Variants in MFSD6 observed in about 807,000 individuals in gnomAD.
The protein encoded by MFSD6 is major facilitator superfamily domain containing 6, also known as major facilitator superfamily domain-containing protein 6.
Under a neutral mutation model 56.3 loss-of-function variants are expected in MFSD6, and 26 were observed. The ratio of observed to expected loss-of-function variants is 0.46; its 90% CI spans 0.34 to 0.64. The LOEUF (loss-of-function observed/expected upper bound fraction) is 0.64. Ranked by LOEUF, MFSD6 falls within the 30% of genes least tolerant of loss-of-function variation. The pLI is 0.01. For missense variants in MFSD6, 750 were observed against 986.2 expected (o/e 0.76, Z 3.21); for synonymous variants, 331 against 366.9 (o/e 0.90, Z 1.12).
chr2:190,429,262 C>A (rs940220124), intron 2 of MFSD6, among the ~76,000 whole-genome samples: 12 of 150,998 alleles, frequency 7.9e-5, no homozygotes, highest in African/African-American at 2.9e-4. Flanking sequence ...ACATATATCA[C>A]CAAAATATCT....
At position 190,426,805 on chromosome 2, in the gene MFSD6, G is replaced by C. The variant is rs555832361; in HGVS notation, c.-53-9172G>C. Among the ~76,000 whole-genome samples the C allele has an allele frequency of 6.6e-6, 1 of 151,362 alleles. No homozygotes were observed. Among genetic ancestry groups the C allele is most frequent in the East Asian group, 1.9e-4 (1 of 5,188 alleles). On this transcript the variant is annotated intron_variant, in intron 2 of 7. Transcript: ENST00000392328. This position sits in a 1 kb window ranked among gnomAD's most constrained non-coding sequence, Gnocchi z 4.7. ...AATGATTTTTTATTGAAAGCAAGATGTTTTGGGTATTATTTTATGAGACTG... is the reference window on the plus strand; with the variant it reads ...AATGATTTTTTATTGAAAGCAAGATCTTTTGGGTATTATTTTATGAGACTG...
At chr2:190,452,221 C>T (rs1309175295) in intron 3 of MFSD6, among the ~76,000 whole-genome samples, 5 of 152,094 alleles carry the variant, frequency 3.3e-5, no homozygotes, top group Non-Finnish European at 7.4e-5. Flanking sequence ...CGCCACTGCA[C>T]TCCAGCCTGA....
rs1686914951 is a variant in MFSD6 at position 190,454,588 on chromosome 2, AAGGTGG to A, written c.1533-15169_1533-15164del. On this transcript the variant is annotated intron_variant, in intron 3 of 7. Transcript: ENST00000392328. The surrounding 1 kb of genome is among the most constrained non-coding windows in gnomAD (Gnocchi z 4.6). ...CTCTACCATATGAGGACACTGTAAG[AAGGTGG>A]TCATCTACAAGCCAGGAAGAGACCC... is the stretch of plus-strand genomic sequence containing the variant. 1 of 152,162 alleles carries A rather than the reference AAGGTGG, an allele frequency of 6.6e-6. No homozygotes were observed. The highest frequency in any genetic ancestry group is 2.1e-4 in the South Asian group (1 of 4,828). The allele number at this position is 152,162 out of a possible 1,614,324, so 9.4% of individuals were successfully genotyped here.
intron 2 of MFSD6, among the ~76,000 whole-genome samples, chr2:190,422,228 T>G (rs1297363126): frequency 6.6e-6 from 1 of 152,232 alleles, no homozygotes; most frequent in African/African-American, 2.4e-5. Context: ...TCAGGTGTAT[T>G]GGTATTCTAC....
chr2:190,436,208 A>G lies in MFSD6; in HGVS notation c.179A>G (p.His60Arg), dbSNP rs775069109. The G allele has an allele frequency of 1.9e-6, 3 of 1,614,196 alleles. No homozygotes were observed. The Admixed American group carries it at 5.0e-5, about 27-fold the overall frequency. Residue 60 changes from histidine (H) to arginine (R), a missense_variant, in exon 3 of 8, where the codon CAT (histidine) becomes CGT (arginine). Physicochemically the swap from His to Arg is conservative, Grantham distance 29 (BLOSUM62 0). Transcript: ENST00000392328. This position sits in a 1 kb window ranked among gnomAD's most constrained non-coding sequence, Gnocchi z 5.3. ...GAGGAAATAGACTGGATAGAGAAAC[A>G]TTGTGTTAAGATAAACAACGATCTT... ...PEEEIDWIEK[H>R]CVKINNDLLI...
chr2:190,448,578 TCAGTA>T (rs1686665783), intron 3 of MFSD6, among the ~76,000 whole-genome samples: 1 of 152,278 alleles, frequency 6.6e-6, no homozygotes, highest in East Asian at 1.9e-4. Context: ...AATACACAAT[TCAGTA>T]CAGTTATACA....
At chr2:190,484,651 T>A (rs1037025188) in intron 4 of MFSD6, among the ~76,000 whole-genome samples, 5 of 152,220 alleles carry the variant, frequency 3.3e-5, no homozygotes, top group Admixed American at 3.3e-4. Flanking sequence ...GAAAGTTGCA[T>A]GTTCCAGTTT....
rs772140315 is a variant in MFSD6 at position 190,433,932 on chromosome 2, T to C, written c.-53-2045T>C. 7.2e-5 allele frequency among the ~76,000 whole-genome samples: 11 copies of C among 152,222 alleles called. No individual in the cohort carries two copies. Among genetic ancestry groups the C allele is most frequent in the Non-Finnish European group, 1.3e-4 (9 of 68,032 alleles). On this transcript the variant is annotated intron_variant, in intron 2 of 7. Transcript: ENST00000392328. This position sits in a 1 kb window ranked among gnomAD's most constrained non-coding sequence, Gnocchi z 4.5. ...GAGGCAGGGTGCAGTGGTTCACGCC[T>C]GTAATCCCAGCACTTTGGGAGGCTG...
intron 2 of MFSD6, among the ~76,000 whole-genome samples, chr2:190,419,333 C>T (rs1575817931): frequency 1.3e-5 from 2 of 152,192 alleles, no homozygotes; most frequent in South Asian, 2.1e-4. Context: ...TAGAGTCCAG[C>T]TCTGGGACTC....
Position 190,450,231 on chromosome 2 carries a change from A to G in MFSD6, c.1532+12670A>G, listed in dbSNP as rs556820191. ...AATTGGGCTAATTATATTTCTACAT[A>G]TACATGGAAATATCTGGCAGACTGC... On this transcript the variant is annotated intron_variant, in intron 3 of 7. Transcript: ENST00000392328. Among the ~76,000 whole-genome samples the G allele has an allele frequency of 2.6e-5, 4 of 152,226 alleles. No homozygotes were observed. In the East Asian group the frequency reaches 7.7e-4, roughly 29 times the overall value.
At position 190,413,380 on chromosome 2, in the gene MFSD6, G is replaced by C. The variant is rs540446152; in HGVS notation, c.-175-1912G>C. Among the ~76,000 whole-genome samples the C allele has an allele frequency of 2.6e-5, 4 of 152,294 alleles. No individual in the cohort carries two copies. Among genetic ancestry groups the C allele is most frequent in the South Asian group, 2.1e-4 (1 of 4,818 alleles). Reference sequence around the variant, plus strand: ...AGATGTGGAAAAAAATTGAATTAAGGGGGGCAGAGATGTCTTTCTTTGACA... The same window carrying C: ...AGATGTGGAAAAAAATTGAATTAAGCGGGGCAGAGATGTCTTTCTTTGACA... On this transcript the variant is annotated intron_variant, in intron 1 of 7. Transcript: ENST00000392328. The surrounding 1 kb of genome is among the most constrained non-coding windows in gnomAD (Gnocchi z 4.1).
intron 3 of MFSD6, among the ~76,000 whole-genome samples, chr2:190,446,857 C>T (rs1686603225): frequency 1.3e-5 from 2 of 152,302 alleles, no homozygotes; most frequent in South Asian, 2.1e-4. Context: ...CCATCTAAGA[C>T]TGTACTGATT....
rs371140826 is a variant in MFSD6, at chr2:190,500,223, A to G, written c.*5A>G. 4.0e-5 allele frequency: 64 copies of G among 1,613,900 alleles called. No individual in the cohort carries two copies. The highest frequency in any genetic ancestry group is 4.8e-5 in the Non-Finnish European group (57 of 1,179,954). The stretch of plus-strand genomic sequence containing the variant: ...CTGGCCGCGGGAGGACACTGAGGGC[A>G]TCCTGCTCATCTCACACCCTGCATG... On this transcript the variant is annotated 3_prime_UTR_variant, in exon 8 of 8. Transcript: ENST00000392328. The surrounding 1 kb of genome is among the most constrained non-coding windows in gnomAD (Gnocchi z 5.3).
Position 190,471,848 on chromosome 2 carries a change from G to T in MFSD6, c.1630+1993G>T, listed in dbSNP as rs1485333405. Among the ~76,000 whole-genome samples, 5 of 152,160 alleles carry T rather than the reference G, an allele frequency of 3.3e-5. No homozygotes were observed. Among genetic ancestry groups the T allele is most frequent in the African/African-American group, 4.8e-5 (2 of 41,434 alleles). The stretch of plus-strand genomic sequence containing the variant: ...AACTGGGAGGCACCCCCCAGTAGGG[G>T]CAGACTGATAACTCATACGGCCGGG... On this transcript the variant is annotated intron_variant, in intron 4 of 7. Coordinates refer to ENST00000392328, the MANE Select transcript of MFSD6 (RefSeq NM_017694.4). This position sits in a 1 kb window ranked among gnomAD's most constrained non-coding sequence, Gnocchi z 4.7.
At chr2:190,449,900 A>C (rs527542281) in intron 3 of MFSD6, among the ~76,000 whole-genome samples, 4 of 152,144 alleles carry the variant, frequency 2.6e-5, no homozygotes, top group Non-Finnish European at 5.9e-5. Context: ...GCTTTAGGAG[A>C]TATACCTAAT....
chr2:190,424,418 C>G lies in MFSD6; in HGVS notation c.-54+9005C>G, dbSNP rs1019425522. 9.2e-5 allele frequency among the ~76,000 whole-genome samples: 14 copies of G among 152,176 alleles called. No individual in the cohort carries two copies. Among genetic ancestry groups the G allele is most frequent in the African/African-American group, 2.9e-4 (12 of 41,502 alleles). ...TGGCTCTGTCTCGGCTCACTGCAAC[C>G]TCCGCCTCCCAGGTTCAAGTGATTC... On this transcript the variant is annotated intron_variant, in intron 2 of 7. Transcript: ENST00000392328. This position sits in a 1 kb window ranked among gnomAD's most constrained non-coding sequence, Gnocchi z 5.9.
intron 2 of MFSD6, among the ~76,000 whole-genome samples, chr2:190,428,562 C>T (rs1190398656): frequency 6.6e-6 from 1 of 152,074 alleles, no homozygotes; most frequent in African/African-American, 2.4e-5. Context: ...TTATACTTAC[C>T]TGTTCAGCCT....
rs534334693 is a variant in MFSD6, at chr2:190,489,900, C to T, written c.1891+34C>T. The stretch of plus-strand genomic sequence containing the variant: ...TTCCATTCTTTCTTAATATTCCTAA[C>T]AGTTCAGGCCATGGGAAGTCAACAA... On this transcript the variant is annotated intron_variant, in intron 6 of 7. Transcript: ENST00000392328. The surrounding 1 kb of genome is among the most constrained non-coding windows in gnomAD (Gnocchi z 6.6). The T allele has an allele frequency of 1.5e-4, 232 of 1,573,860 alleles. 1 individual carries two copies. In the South Asian group the frequency reaches 2.1e-3, roughly 14 times the overall value.
In MFSD6 at chr2:190,437,323, G is replaced by T. The variant is rs144865851; in HGVS notation, c.1294G>T (p.Ala432Ser). Reference sequence around the variant, plus strand: ...ACCAACCACCACAAGCCACTCGCAGGCCTTCAACTTTTGGGACTTAATCAA... The same window carrying T: ...ACCAACCACCACAAGCCACTCGCAGTCCTTCAACTTTTGGGACTTAATCAA... The part of the protein sequence containing the change: ...ETPTTTSHSQ[A>S]FNFWDLIKLL... Residue 432 changes from alanine (A) to serine (S), a missense_variant, in exon 3 of 8, where the codon GCC becomes TCC. By Grantham distance (99) the Ala-to-Ser change is moderately conservative. Coordinates refer to ENST00000392328, the MANE Select transcript of MFSD6 (RefSeq NM_017694.4). This position sits in a 1 kb window ranked among gnomAD's most constrained non-coding sequence, Gnocchi z 5.9. The T allele has an allele frequency of 6.6e-5, 107 of 1,614,246 alleles. No homozygotes were observed. The highest frequency in any genetic ancestry group is 8.6e-5 in the Non-Finnish European group (102 of 1,180,040).
Sources: gnomAD v4.1 joint callset for allele counts (sites outside exome capture counted in the v4.1 genomes callset) on GRCh38, gnomAD v4.1.1 for gene constraint, Gnocchi (gnomAD v3.1) non-coding constraint, MANE v1.5 for transcripts, NCBI Gene and HGNC (gene_info 2026-07-23, HGNC 2026-07-21) for gene names.